Variants in PDGFA observed in about 807,000 individuals in gnomAD.
PDGFA encodes the protein platelet-derived growth factor subunit A.
PDGFA carries 9 observed loss-of-function variants against 25.6 expected under a neutral mutation model. The observed-to-expected ratio is 0.35, with a 90% confidence interval of 0.21 to 0.61. The LOEUF (loss-of-function observed/expected upper bound fraction) is 0.61, where lower values mean the gene tolerates loss of function less well. Among genes scored for constraint, PDGFA ranks in the 20% least tolerant of loss-of-function variants. PDGFA has a pLI of 0.75. For synonymous variants in PDGFA, 133 were observed against 111.8 expected (o/e 1.19, Z -1.20); for missense variants, 242 against 272.8 (o/e 0.89, Z 0.79).
chr7:509,335 A>G (rs1455406343), intron 4 of PDGFA, among the ~76,000 whole-genome samples: 3 of 152,128 alleles, frequency 2.0e-5, no homozygotes, highest in Admixed American at 2.0e-4. Context: ...TCTACTGTCC[A>G]GGCTGGAATG....
In PDGFA at chr7:502,768, T is replaced by TCACACACACACA. The variant is rs71016866; in HGVS notation, c.454-1538_454-1527dup. ...GGCATTCAACAAGAGAGGCAAGAAA[T>TCACACACACACA]CACACACACACACACACACACACAC... On this transcript the variant is annotated intron_variant, in intron 4 of 5. Coordinates refer to ENST00000402802, the Ensembl canonical transcript of PDGFA. Among the ~76,000 whole-genome samples, 281 of 126,116 alleles carry TCACACACACACA rather than the reference T, an allele frequency of 2.2e-3. 2 individuals carry two copies. The highest frequency in any genetic ancestry group is 3.5e-3 in the Non-Finnish European group (211 of 59,496). 82.7% of individuals were successfully genotyped at this position (126,116 alleles called of 152,430 possible). A position where few individuals can be genotyped will look rare whatever the true frequency, so the allele number is the denominator to read the frequency against.
intron 1 of PDGFA, among the ~76,000 whole-genome samples, chr7:518,247 G>A (rs1306474902): frequency 6.6e-6 from 1 of 152,146 alleles, no homozygotes; most frequent in Non-Finnish European, 1.5e-5. Flanking sequence ...AGGAGAGTCG[G>A]GGGTCGCTGG....
chr7:512,278 C>A, intron 3 of PDGFA, 73 bp downstream of exon 3: 1 of 1,409,876 alleles, frequency 7.1e-7, no homozygotes, highest in Non-Finnish European at 9.7e-7. Context: ...CCCGGCCCTG[C>A]CCTGCCCATC....
chr7:512,430 G>A (rs1422572339), exon 3 of PDGFA: 2 of 1,613,760 alleles, frequency 1.2e-6, no homozygotes, highest in South Asian at 1.1e-5. Context: ...GAGCTCTCAG[G>A]CTGGTGTCCA....
exon 6 of PDGFA, chr7:498,219 C>T (rs1782179298): frequency 5.8e-6 from 2 of 342,120 alleles, no homozygotes; most frequent in African/African-American, 4.2e-5. Flanking sequence ...GCTGAGACCT[C>T]TGCACTTCCA....
chr7:508,587 A>AAAAAT (rs1562488341), intron 4 of PDGFA, among the ~76,000 whole-genome samples: 1 of 148,750 alleles, frequency 6.7e-6, no homozygotes, highest in Admixed American at 6.7e-5. Context: ...AAAAAAAAAA[A>AAAAAT]ATTCTCAGCT....
At chr7:504,818 C>T (rs1042991863) in intron 4 of PDGFA, among the ~76,000 whole-genome samples, 7 of 152,354 alleles carry the variant, frequency 4.6e-5, no homozygotes, top group African/African-American at 1.2e-4. Context: ...ACCGCAGGCC[C>T]GTCTGGCCAG....
At chr7:512,299 G>T in intron 3 of PDGFA, 52 bp downstream of exon 3, 1 of 1,527,320 alleles carries the variant, frequency 6.5e-7, no homozygotes, top group Non-Finnish European at 8.9e-7. Context: ...GCGGCCTCCT[G>T]GACTCACCCT....
At position 518,927 on chromosome 7, in the gene PDGFA, G is replaced by T; in HGVS notation, c.63+12C>A. 1 of 1,512,668 alleles carries T rather than the reference G, an allele frequency of 6.6e-7. No individual in the cohort carries two copies. Among genetic ancestry groups the T allele is most frequent in the Admixed American group, 2.1e-5 (1 of 48,746 alleles). The allele number at this position is 1,512,668 out of a possible 1,614,324, so 93.7% of individuals were successfully genotyped here. A position where few individuals can be genotyped will look rare whatever the true frequency, so the allele number is the denominator to read the frequency against. ...AGCCGGCGCAGGGACGGGGCGCGGG[G>T]GCGGCACCAACCTCGGCCAGAACAT... On this transcript the variant is annotated intron_variant, in intron 1 of 5. Coordinates refer to ENST00000402802, the Ensembl canonical transcript of PDGFA.
chr7:513,707 C>T (rs997947810), intron 2 of PDGFA, among the ~76,000 whole-genome samples: 4 of 152,158 alleles, frequency 2.6e-5, no homozygotes, highest in African/African-American at 9.7e-5. Flanking sequence ...GTGTCTCTCC[C>T]CAGCCCATCG....
At chr7:511,100 G>C (rs62433334) in intron 3 of PDGFA, 104 bp from the exon 4 acceptor site, 555,967 of 854,236 alleles carry the variant, frequency 0.65, 188,689 homozygotes, top group Middle Eastern at 0.74. Flanking sequence ...ACCAGGGTAA[G>C]CCACAGGCCA....
At chr7:506,619 G>C (rs1032436786) in intron 4 of PDGFA, among the ~76,000 whole-genome samples, 1 of 152,168 alleles carries the variant, frequency 6.6e-6, no homozygotes, top group Non-Finnish European at 1.5e-5. Context: ...TGCAGTCCTC[G>C]GGCTGGCATC....
intron 4 of PDGFA, among the ~76,000 whole-genome samples, chr7:503,118 C>T (rs571219840): frequency 4.8e-4 from 73 of 152,270 alleles, no homozygotes; most frequent in African/African-American, 1.7e-3. Context: ...AAGACTGGCA[C>T]CTCCATTTAC....
chr7:511,290 GGT>G lies in PDGFA; in HGVS notation c.266-296_266-295del, dbSNP rs1176819513. Reference sequence around the variant, plus strand: ...AGTCCAGGTGGGGCCAGTGGCTGGGGGTGGGGAGAGGGGAACTTAGTCCAGGT... The same window carrying G: ...AGTCCAGGTGGGGCCAGTGGCTGGGGGGGGAGAGGGGAACTTAGTCCAGGT... On this transcript the variant is annotated intron_variant, in intron 3 of 5. Coordinates refer to ENST00000402802, the Ensembl canonical transcript of PDGFA. Among the ~76,000 whole-genome samples, 218 of 66,094 alleles carry G rather than the reference GGT, an allele frequency of 3.3e-3. 4 individuals are homozygous for G. Among genetic ancestry groups the G allele is most frequent in the African/African-American group, 0.013 (143 of 10,686 alleles). The allele number at this position is 66,094 out of a possible 152,430, so 43.4% of individuals were successfully genotyped here. A position where few individuals can be genotyped will look rare whatever the true frequency, so the allele number is the denominator to read the frequency against.
At position 500,743 on chromosome 7, in the gene PDGFA, C is replaced by A; in HGVS notation, c.580+373G>T. 1 of 1,438,382 alleles carries A rather than the reference C, an allele frequency of 7.0e-7. No homozygotes were observed. Among genetic ancestry groups the A allele is most frequent in the Non-Finnish European group, 9.1e-7 (1 of 1,100,710 alleles). The allele number at this position is 1,438,382 out of a possible 1,614,324, so 89.1% of individuals were successfully genotyped here. On this transcript the variant is annotated intron_variant, in intron 5 of 5. Transcript: ENST00000402802. The surrounding 1 kb of genome is among the most constrained non-coding windows in gnomAD (Gnocchi z 5.0). ...AAGGAGAGACCCCAGCCAGCCAGGG[C>A]AACTGCAGTCCTCGAACCTGCTCCT... is the stretch of plus-strand genomic sequence containing the variant.
intron 2 of PDGFA, among the ~76,000 whole-genome samples, chr7:515,881 C>T (rs146919000): frequency 0.016 from 2,386 of 152,204 alleles, 73 homozygotes; most frequent in African/African-American, 0.054. Flanking sequence ...GGAGGCGGGG[C>T]GCCAAGACCA....
At position 500,532 on chromosome 7, in the gene PDGFA, C is replaced by T. The variant is rs368859634; in HGVS notation, c.580+584G>A. ...CAAAAGGGCAGGGCGGTGAGTGGGCCGAGGGACGGCCGTCGGGGTGAAGAA... is the reference window on the plus strand; with the variant it reads ...CAAAAGGGCAGGGCGGTGAGTGGGCTGAGGGACGGCCGTCGGGGTGAAGAA... On this transcript the variant is annotated intron_variant, in intron 5 of 5. Coordinates refer to ENST00000402802, the Ensembl canonical transcript of PDGFA. This position sits in a 1 kb window ranked among gnomAD's most constrained non-coding sequence, Gnocchi z 5.0. 17 of 1,613,498 alleles carry T rather than the reference C, an allele frequency of 1.1e-5. No homozygotes were observed. Among genetic ancestry groups the T allele is most frequent in the African/African-American group, 8.0e-5 (6 of 74,888 alleles).
At position 517,547 on chromosome 7, in the gene PDGFA, C is replaced by T. The variant is rs1783166081; in HGVS notation, c.64-57G>A. On this transcript the variant is annotated intron_variant, in intron 1 of 5. Coordinates refer to ENST00000402802, the Ensembl canonical transcript of PDGFA. The surrounding 1 kb of genome is among the most constrained non-coding windows in gnomAD (Gnocchi z 7.4). ...CGGCCCCGACCCCGCCGGCACGCGC[C>T]CCCGGCCGCCAGGAGCGCCGCCGCC... 1.2e-6 allele frequency: 1 copy of T among 800,662 alleles called. No individual in the cohort carries two copies. The highest frequency in any genetic ancestry group is 1.6e-6 in the Non-Finnish European group (1 of 632,686). 49.6% of individuals were successfully genotyped at this position (800,662 alleles called of 1,614,324 possible). A position where few individuals can be genotyped will look rare whatever the true frequency, so the allele number is the denominator to read the frequency against.
intron 2 of PDGFA, among the ~76,000 whole-genome samples, chr7:514,804 C>T (rs112712264): frequency 3.1e-4 from 47 of 152,336 alleles, no homozygotes; most frequent in African/African-American, 1.1e-3. Flanking sequence ...CGCGGGCTGC[C>T]GGTCATTAAA....
Sources: allele counts gnomAD v4.1 joint callset (sites outside exome capture counted in the v4.1 genomes callset), GRCh38; gene constraint gnomAD v4.1.1; non-coding constraint Gnocchi (gnomAD v3.1); transcripts MANE v1.5; gene names NCBI Gene and HGNC (gene_info 2026-07-23, HGNC 2026-07-21).